NEDD4: variants seen among roughly 807,000 people sequenced by gnomAD.
NEDD4 encodes E3 ubiquitin-protein ligase NEDD4.
A neutral mutation model predicts 144.9 loss-of-function variants in NEDD4; 99 were observed. That is an observed-to-expected ratio of 0.68 (90% CI 0.58 to 0.81). NEDD4 has a LOEUF of 0.81. NEDD4 is among the 30% of genes least tolerant of loss of function. The pLI, the probability that NEDD4 is intolerant of heterozygous loss-of-function variation, is 0.00. For synonymous variants in NEDD4, 318 were observed against 350.6 expected (o/e 0.91, Z 1.04); for missense variants, 985 against 1,065.9 (o/e 0.92, Z 1.06).
intron 5 of NEDD4, among the ~76,000 whole-genome samples, chr15:55,919,581 C>T (rs114708192): frequency 2.0e-5 from 3 of 152,170 alleles, no homozygotes; most frequent in Non-Finnish European, 4.4e-5. Flanking sequence ...AATGTAGTCT[C>T]TCAGTCCAGC....
At position 55,852,417 on chromosome 15, in the gene NEDD4, A is replaced by G; in HGVS notation, c.1146+7T>C. ...GTAAGAAAGCAAGTTGATAGATTAC[A>G]GGATACCTGTACAGTGGGCTTTGTC... is the stretch of plus-strand genomic sequence containing the variant. On this transcript the variant is annotated splice_region_variant and intron_variant, in intron 13 of 28. Coordinates refer to ENST00000435532, the MANE Select transcript of NEDD4 (RefSeq NM_006154.4). 6.2e-7 allele frequency: 1 copy of G among 1,605,268 alleles called. No individual in the cohort carries two copies. Among genetic ancestry groups the G allele is most frequent in the Non-Finnish European group, 8.5e-7 (1 of 1,175,184 alleles).
At chr15:55,885,770 G>A (rs1379246367) in intron 5 of NEDD4, among the ~76,000 whole-genome samples, 1 of 151,864 alleles carries the variant, frequency 6.6e-6, no homozygotes, top group Non-Finnish European at 1.5e-5. Context: ...AAGACAGGAA[G>A]GAAGAAAAGA....
At chr15:55,949,770 G>A (rs2142297162) in intron 4 of NEDD4, among the ~76,000 whole-genome samples, 1 of 152,112 alleles carries the variant, frequency 6.6e-6, no homozygotes, top group East Asian at 1.9e-4. Context: ...TTGGACACAG[G>A]AAGGGGTACG....
chr15:55,856,133 C>T lies in NEDD4; in HGVS notation c.1024G>A (p.Val342Met), dbSNP rs1192656769. The T allele has an allele frequency of 1.2e-6, 2 of 1,612,154 alleles. No individual in the cohort carries two copies. The highest frequency in any genetic ancestry group is 1.7e-6 in the Non-Finnish European group (2 of 1,178,526). ...TGATGGGAGAGGGTAAAACTCACCA[C>T]AGGAAGTGTAGGTTGTTCCTCAAAA... Reference protein sequence around the residue: ...YTFEEQPTLPVLLPTSSGLPP... With the variant: ...YTFEEQPTLPMLLPTSSGLPP... The change falls in exon 12 of 29, where the codon GTG (valine) becomes ATG (methionine). Residue 342 changes from valine (V) to methionine (M), a missense_variant and splice_region_variant. Coordinates refer to ENST00000435532, the MANE Select transcript of NEDD4 (RefSeq NM_006154.4).
chr15:55,846,451 T>C (rs2033746348), intron 18 of NEDD4, among the ~76,000 whole-genome samples: 2 of 152,178 alleles, frequency 1.3e-5, no homozygotes, highest in Admixed American at 6.5e-5. Flanking sequence ...GGAAAAAGTG[T>C]AGTGAACATA....
At chr15:55,866,963 A>G (rs1417135461) in intron 8 of NEDD4, among the ~76,000 whole-genome samples, 1 of 152,210 alleles carries the variant, frequency 6.6e-6, no homozygotes, top group Admixed American at 6.5e-5. Flanking sequence ...GTAATTGCTC[A>G]CAATTTAATC....
intron 8 of NEDD4, among the ~76,000 whole-genome samples, chr15:55,864,689 A>G (rs1310428308): frequency 1.2e-4 from 2 of 16,030 alleles, no homozygotes; most frequent in East Asian, 9.8e-3. Context: ...TCTCATAAGA[A>G]AAAAAAAAAA....
intron 5 of NEDD4, chr15:55,915,630 A>G: frequency 1.2e-6 from 2 of 1,613,634 alleles, no homozygotes; most frequent in Non-Finnish European, 1.7e-6. Context: ...AATTTCTGAC[A>G]TTTCTGGTTT....
intron 15 of NEDD4, 105 bp from the exon 16 acceptor site, chr15:55,848,680 C>T: frequency 7.8e-7 from 1 of 1,276,000 alleles, no homozygotes; most frequent in South Asian, 1.2e-5. Flanking sequence ...TATTCCATTC[C>T]ATTCTTAGAA....
chr15:55,894,460 A>C (rs761276720), intron 5 of NEDD4, among the ~76,000 whole-genome samples: 27 of 152,128 alleles, frequency 1.8e-4, no homozygotes, highest in Non-Finnish European at 3.7e-4. Flanking sequence ...TCCCCCTGCA[A>C]ATACCAAGAG....
chr15:55,851,938 G>A (rs993733375), intron 13 of NEDD4, among the ~76,000 whole-genome samples: 7 of 151,984 alleles, frequency 4.6e-5, no homozygotes, highest in Non-Finnish European at 7.4e-5. Flanking sequence ...GTGGTAATTC[G>A]TGTATATTAG....
intron 12 of NEDD4, among the ~76,000 whole-genome samples, chr15:55,853,236 AAAG>A (rs1443836185): frequency 6.6e-6 from 1 of 152,224 alleles, no homozygotes; most frequent in Non-Finnish European, 1.5e-5. Context: ...TGTGCAAGAT[AAAG>A]TGTACAGTAC....
chr15:55,973,006 GAGTCAGCTAGACTTCAATATAGTAAT>G (rs2037636656), intron 1 of NEDD4, among the ~76,000 whole-genome samples: 1 of 152,196 alleles, frequency 6.6e-6, no homozygotes. Flanking sequence ...TAAAGTCAAA[GAGTCAGCTAGACTTCAATATAGTAAT>G]AGTTGGAAAT....
intron 5 of NEDD4, among the ~76,000 whole-genome samples, chr15:55,884,386 C>T (rs1242213569): frequency 1.3e-5 from 2 of 152,110 alleles, no homozygotes. Flanking sequence ...AATGTCCAGA[C>T]ATTGGCAAAC....
intron 11 of NEDD4, among the ~76,000 whole-genome samples, chr15:55,856,968 A>G (rs1471437285): frequency 2.0e-5 from 3 of 152,228 alleles, no homozygotes; most frequent in African/African-American, 7.2e-5. Flanking sequence ...TCAATAGGAG[A>G]CTGGTGAAAT....
intron 2 of NEDD4, among the ~76,000 whole-genome samples, chr15:55,965,182 G>A (rs1356617627): frequency 6.6e-6 from 1 of 152,110 alleles, no homozygotes; most frequent in African/African-American, 2.4e-5. Context: ...GTTTGGACAA[G>A]AGCCACAAAT....
rs1277957639 is a variant in NEDD4, at chr15:55,939,484, T to C, written c.237+11892A>G. ...CCAGTCTCAGGTAGTATCTTTATCATAGTGTGAAAACGGACTAATACAAGC... is the reference window on the plus strand; with the variant it reads ...CCAGTCTCAGGTAGTATCTTTATCACAGTGTGAAAACGGACTAATACAAGC... On this transcript the variant is annotated intron_variant, in intron 4 of 28. Transcript: ENST00000435532. Among the ~76,000 whole-genome samples, 7 of 152,148 alleles carry C rather than the reference T, an allele frequency of 4.6e-5. No individual in the cohort carries two copies. In the East Asian group the frequency reaches 5.8e-4, roughly 13 times the overall value.
At position 55,945,602 on chromosome 15, in the gene NEDD4, G is replaced by A. The variant is rs556742015; in HGVS notation, c.237+5774C>T. Among the ~76,000 whole-genome samples, 50 of 152,208 alleles carry A rather than the reference G, an allele frequency of 3.3e-4. 1 individual carries two copies. In the South Asian group the frequency reaches 9.8e-3, roughly 30 times the overall value. On this transcript the variant is annotated intron_variant, in intron 4 of 28. Coordinates refer to ENST00000435532, the MANE Select transcript of NEDD4 (RefSeq NM_006154.4). ...AAACACTCTACAGGATAATATCAAG[G>A]AGAACTTCCCCAACCTAGCAAGGCA...
intron 2 of NEDD4, among the ~76,000 whole-genome samples, chr15:55,954,281 G>T (rs59981828): frequency 6.6e-6 from 1 of 151,660 alleles, no homozygotes; most frequent in South Asian, 2.1e-4. Context: ...CTGTTCCTTC[G>T]GTGGCTTACT....
Sources: allele counts gnomAD v4.1 joint callset (sites outside exome capture counted in the v4.1 genomes callset), GRCh38; gene constraint gnomAD v4.1.1; transcripts MANE v1.5; gene names NCBI Gene and HGNC (gene_info 2026-07-23, HGNC 2026-07-21).